Variants in AFG2A observed in about 807,000 individuals in gnomAD.
AFG2A encodes ATPase family gene 2 protein homolog A.
At chr4:122,943,856 G>C in the AFG2A span, among the ~76,000 whole-genome samples, 1 of 151,982 alleles carries the variant, frequency 6.6e-6, no homozygotes, top group Non-Finnish European at 1.5e-5. Flanking sequence ...CTCAGCATTT[G>C]CTTGTCTGTA....
At chr4:123,319,185 G>T in the AFG2A span, 4 of 152,154 alleles carry the variant, frequency 2.6e-5, no homozygotes, top group African/African-American at 9.7e-5. Flanking sequence ...TATAAAAAAA[G>T]ATTTAATTTA....
the AFG2A span, among the ~76,000 whole-genome samples, chr4:122,959,441 A>G: frequency 1.3e-5 from 2 of 152,238 alleles, no homozygotes; most frequent in Non-Finnish European, 1.5e-5. Context: ...TCAGAATACA[A>G]GTAAGAGTAC....
the AFG2A span, among the ~76,000 whole-genome samples, chr4:123,269,164 A>T: frequency 6.6e-6 from 1 of 152,168 alleles, no homozygotes; most frequent in Admixed American, 6.5e-5. Flanking sequence ...GTAGTTCCTG[A>T]AATACTTTAA....
chr4:123,173,295 A>G, the AFG2A span, among the ~76,000 whole-genome samples: 1 of 150,710 alleles, frequency 6.6e-6, no homozygotes, highest in Non-Finnish European at 1.5e-5. Flanking sequence ...ACTTATCATT[A>G]CAAGTGTGGG....
At chr4:123,017,204 GGA>G in the AFG2A span, among the ~76,000 whole-genome samples, 1 of 124,228 alleles carries the variant, frequency 8.0e-6, no homozygotes, top group Non-Finnish European at 1.7e-5. Context: ...AGAGGGAGAG[GGA>G]GAGAGAGAGG....
chr4:123,087,046 G>A, the AFG2A span, among the ~76,000 whole-genome samples: 1 of 152,116 alleles, frequency 6.6e-6, no homozygotes, highest in African/African-American at 2.4e-5. Context: ...TAGTGTTTCT[G>A]CCACATTTGA....
chr4:123,040,331 C>A, the AFG2A span, among the ~76,000 whole-genome samples: 1 of 152,026 alleles, frequency 6.6e-6, no homozygotes, highest in Non-Finnish European at 1.5e-5. Flanking sequence ...TGAACTCTTT[C>A]AAATTATATG....
At chr4:123,278,067 C>T in the AFG2A span, among the ~76,000 whole-genome samples, 8 of 152,198 alleles carry the variant, frequency 5.3e-5, no homozygotes, top group South Asian at 1.0e-3. Context: ...CTTCTTTATA[C>T]ATCTGGTAGA....
At chr4:123,073,536 T>TA in the AFG2A span, among the ~76,000 whole-genome samples, 1 of 152,156 alleles carries the variant, frequency 6.6e-6, no homozygotes, top group Admixed American at 6.5e-5. Context: ...CAAACTTTGC[T>TA]ATGGAGAGGG....
At chr4:122,986,607 G>C in the AFG2A span, among the ~76,000 whole-genome samples, 3 of 152,056 alleles carry the variant, frequency 2.0e-5, no homozygotes, top group Non-Finnish European at 2.9e-5. Context: ...AGAATGGGAG[G>C]GGGGTGAGGG....
At chr4:123,003,712 C>T in the AFG2A span, among the ~76,000 whole-genome samples, 4 of 152,020 alleles carry the variant, frequency 2.6e-5, no homozygotes, top group East Asian at 3.9e-4. Flanking sequence ...TCAGTCTGCC[C>T]CTACTGGGGG....
chr4:123,058,248 A>C, the AFG2A span, among the ~76,000 whole-genome samples: 2 of 152,186 alleles, frequency 1.3e-5, no homozygotes, highest in East Asian at 3.8e-4. Context: ...CCTCACAATC[A>C]TGGTGGAAGG....
chr4:123,006,669 A>G, the AFG2A span, among the ~76,000 whole-genome samples: 1 of 152,016 alleles, frequency 6.6e-6, no homozygotes, highest in South Asian at 2.1e-4. Flanking sequence ...TATTGTGGAC[A>G]TTGTAGTTTT....
At chr4:123,031,211 G>A in the AFG2A span, among the ~76,000 whole-genome samples, 9 of 152,190 alleles carry the variant, frequency 5.9e-5, no homozygotes, top group East Asian at 1.5e-3. Context: ...GAGTGCAGTG[G>A]CACGATCTCA....
chr4:123,313,924 C>T, the AFG2A span: 1 of 1,609,642 alleles, frequency 6.2e-7, no homozygotes, highest in Non-Finnish European at 8.5e-7. Context: ...TCTTCTGGCT[C>T]TGGAAGAAGA....
chr4:123,180,058 G>A, the AFG2A span, among the ~76,000 whole-genome samples: 120,573 of 151,796 alleles, frequency 0.79, 48,584 homozygotes, highest in Non-Finnish European at 0.85. Context: ...CATCTTTACT[G>A]AAAATACAAA....
chr4:122,934,605 TA>T, the AFG2A span: 2 of 1,613,978 alleles, frequency 1.2e-6, no homozygotes, highest in Non-Finnish European at 1.7e-6. Context: ...CAGAGATTGA[TA>T]AAAATTCAAA....
chr4:123,114,649 G>C, the AFG2A span, among the ~76,000 whole-genome samples: 2 of 152,222 alleles, frequency 1.3e-5, no homozygotes, highest in Non-Finnish European at 2.9e-5. Context: ...AGAGCACCAG[G>C]AGACCCAGGC....
the AFG2A span, among the ~76,000 whole-genome samples, chr4:123,274,569 A>T: frequency 6.6e-6 from 1 of 151,408 alleles, no homozygotes; most frequent in Non-Finnish European, 1.5e-5. Context: ...CAAGGTTCGG[A>T]TTAATTATAT....
Sources: gnomAD v4.1 joint callset for allele counts (sites outside exome capture counted in the v4.1 genomes callset) on GRCh38, gnomAD v4.1.1 for gene constraint, MANE v1.5 for transcripts, NCBI Gene and HGNC (gene_info 2026-07-23, HGNC 2026-07-21) for gene names.